Variants in TAFA1 observed in about 807,000 individuals in gnomAD.
TAFA1 encodes the protein TAFA chemokine like family member 1.
TAFA1 carries 4 observed loss-of-function variants against 18.5 expected under a neutral mutation model. That is an observed-to-expected ratio of 0.22 (90% confidence interval 0.11 to 0.49). The LOEUF is 0.49. Among genes scored for constraint, TAFA1 ranks in the 20% least tolerant of loss-of-function variants. The pLI is 0.98. For synonymous variants in TAFA1, 56 were observed against 55.2 expected (o/e 1.01, Z -0.06); for missense variants, 147 against 169.0 (o/e 0.87, Z 0.72).
At chr3:68,169,388 G>C (rs2066024188) in intron 2 of TAFA1, among the ~76,000 whole-genome samples, 1 of 152,218 alleles carries the variant, frequency 6.6e-6, no homozygotes, top group Non-Finnish European at 1.5e-5. Context: ...GAATCTTCTA[G>C]ACCTAGTCAA....
chr3:68,167,336 G>A (rs1479184114), intron 2 of TAFA1, among the ~76,000 whole-genome samples: 1 of 152,204 alleles, frequency 6.6e-6, no homozygotes, highest in Non-Finnish European at 1.5e-5. Context: ...CCAGCACTTT[G>A]GGAGGCTGAG....
intron 2 of TAFA1, among the ~76,000 whole-genome samples, chr3:68,172,301 A>G (rs989408565): frequency 2.6e-5 from 4 of 152,148 alleles, no homozygotes; most frequent in Non-Finnish European, 5.9e-5. Flanking sequence ...AAAAATGCTC[A>G]ATATCATTAA....
At chr3:68,120,237 CTTTCTTTCTTTCTT>C (rs2065380751) in intron 2 of TAFA1, among the ~76,000 whole-genome samples, 1 of 100,600 alleles carries the variant, frequency 9.9e-6, no homozygotes, top group African/African-American at 4.1e-5. Context: ...TTCTTTCTTT[CTTTCTTTCTTTCTT>C]TCTTTCTTTC....
the TAFA1 span, among the ~76,000 whole-genome samples, chr3:67,996,757 G>A: frequency 6.6e-6 from 1 of 151,426 alleles, no homozygotes; most frequent in Non-Finnish European, 1.5e-5. Context: ...CGAGGTCACT[G>A]TACTTCAGCT....
chr3:68,489,399 T>A (rs2072409649), intron 3 of TAFA1, among the ~76,000 whole-genome samples: 1 of 152,178 alleles, frequency 6.6e-6, no homozygotes, highest in African/African-American at 2.4e-5. Flanking sequence ...CATTATTAAA[T>A]GTTTAAAGCT....
At chr3:68,175,588 T>C (rs1237535122) in intron 2 of TAFA1, among the ~76,000 whole-genome samples, 2 of 152,144 alleles carry the variant, frequency 1.3e-5, no homozygotes, top group African/African-American at 2.4e-5. Flanking sequence ...TTTCGGCCAA[T>C]CTCTCCCGTT....
chr3:68,028,810 T>TG (rs1704872763), intron 2 of TAFA1, among the ~76,000 whole-genome samples: 1 of 152,108 alleles, frequency 6.6e-6, no homozygotes, highest in African/African-American at 2.4e-5. Context: ...GGGAATGCAG[T>TG]GACACAATCA....
At chr3:68,425,614 G>A (rs1480165964) in intron 3 of TAFA1, among the ~76,000 whole-genome samples, 1 of 151,914 alleles carries the variant, frequency 6.6e-6, no homozygotes, top group African/African-American at 2.4e-5. Context: ...AGGAATGAGA[G>A]GATGAATGTA....
intron 2 of TAFA1, among the ~76,000 whole-genome samples, chr3:68,105,246 T>A (rs560491259): frequency 1.3e-5 from 2 of 152,246 alleles, no homozygotes; most frequent in East Asian, 3.9e-4. Flanking sequence ...CAACATGAGA[T>A]TTGGAGGGGA....
At position 68,229,974 on chromosome 3, in the gene TAFA1, T is replaced by C. The variant is rs1414792137; in HGVS notation, c.119-187306T>C. On this transcript the variant is annotated intron_variant, in intron 2 of 4. Coordinates refer to ENST00000478136, the MANE Select transcript of TAFA1 (RefSeq NM_213609.4). ...TAAGTAACTTTTTTTTAATTTTTAT[T>C]TTTTACTTTTATGGATACACAAGAG... Among the ~76,000 whole-genome samples, 4 of 152,134 alleles carry C rather than the reference T, an allele frequency of 2.6e-5. No homozygotes were observed. The East Asian group carries it at 5.8e-4, about 22-fold the overall frequency.
intron 3 of TAFA1, among the ~76,000 whole-genome samples, chr3:68,512,564 A>G (rs2072864624): frequency 6.6e-6 from 1 of 152,124 alleles, no homozygotes; most frequent in South Asian, 2.1e-4. Flanking sequence ...CTCCTGACAC[A>G]ATATAAAGAG....
At chr3:68,319,569 A>G (rs555436095) in intron 2 of TAFA1, among the ~76,000 whole-genome samples, 32 of 152,314 alleles carry the variant, frequency 2.1e-4, no homozygotes, top group African/African-American at 7.0e-4. Flanking sequence ...TTATTGCTCA[A>G]GTTTTGTCCA....
chr3:68,167,086 T>C (rs1023939924), intron 2 of TAFA1, among the ~76,000 whole-genome samples: 1 of 152,180 alleles, frequency 6.6e-6, no homozygotes, highest in African/African-American at 2.4e-5. Context: ...TTCACTATTA[T>C]TCAAATGAGC....
chr3:68,386,771 G>A (rs1193692145), intron 2 of TAFA1, among the ~76,000 whole-genome samples: 4 of 152,124 alleles, frequency 2.6e-5, no homozygotes, highest in Admixed American at 6.6e-5. Context: ...TTATAGAAAC[G>A]TGTGTAGCTG....
intron 3 of TAFA1, among the ~76,000 whole-genome samples, chr3:68,429,949 C>G (rs1237204302): frequency 1.3e-5 from 2 of 151,896 alleles, no homozygotes; most frequent in African/African-American, 2.4e-5. Context: ...GAGAGACTTA[C>G]TCACTCATTC....
At chr3:68,405,393 A>C (rs570334067) in intron 2 of TAFA1, among the ~76,000 whole-genome samples, 13 of 152,180 alleles carry the variant, frequency 8.5e-5, no homozygotes, top group Admixed American at 2.0e-4. Flanking sequence ...CAAAGCTGTA[A>C]TTCCAGCACT....
At chr3:68,001,453 G>A (rs1704282780), upstream of TAFA1, among the ~76,000 whole-genome samples, 1 of 152,092 alleles carries the variant, frequency 6.6e-6, no homozygotes, top group Non-Finnish European at 1.5e-5. Flanking sequence ...TCAAATTATA[G>A]TATAGAATAT....
intron 3 of TAFA1, among the ~76,000 whole-genome samples, 162 bp from the exon 4 acceptor site, chr3:68,538,594 T>C (rs2073314327): frequency 6.6e-6 from 1 of 152,196 alleles, no homozygotes; most frequent in Non-Finnish European, 1.5e-5. Context: ...GGCATATAAA[T>C]TAAAATCTTA....
At chr3:68,270,249 T>G (rs374661671) in intron 2 of TAFA1, among the ~76,000 whole-genome samples, 18 of 152,242 alleles carry the variant, frequency 1.2e-4, no homozygotes, top group African/African-American at 3.6e-4. Flanking sequence ...AGAATGAGGT[T>G]GAAATGGTGG....
Sources: gnomAD v4.1 joint callset for allele counts (sites outside exome capture counted in the v4.1 genomes callset) on GRCh38, gnomAD v4.1.1 for gene constraint, MANE v1.5 for transcripts, NCBI Gene and HGNC (gene_info 2026-07-23, HGNC 2026-07-21) for gene names.